Variants in RASA3 observed in about 807,000 individuals in gnomAD.
RASA3 encodes ras GTPase-activating protein 3.
RASA3 carries 73 observed loss-of-function variants against 110.0 expected under a neutral mutation model. The observed-to-expected ratio is 0.66, with a 90% CI of 0.55 to 0.81. The LOEUF is 0.81. Ranked by LOEUF, RASA3 falls within the 30% of genes least tolerant of loss-of-function variation. The pLI, the probability that RASA3 is intolerant of heterozygous loss-of-function variation, is 0.00. For missense variants in RASA3, 976 were observed against 1,113.2 expected (o/e 0.88, Z 1.75); for synonymous variants, 500 against 451.4 (o/e 1.11, Z -1.37).
intron 2 of RASA3, among the ~76,000 whole-genome samples, chr13:114,059,939 C>T (rs1301770451): frequency 2.6e-5 from 4 of 152,252 alleles, no homozygotes; most frequent in South Asian, 2.1e-4. Context: ...ATGTCCAACG[C>T]GGGCAAGGCT....
At chr13:113,981,960 T>C in intron 22 of RASA3, 102 bp from the exon 23 acceptor site, 1 of 1,049,946 alleles carries the variant, frequency 9.5e-7, no homozygotes, top group Non-Finnish European at 1.4e-6. Context: ...TACACATCCT[T>C]CCAACGCAAG....
chr13:114,105,003 G>A (rs1311480779), intron 1 of RASA3, among the ~76,000 whole-genome samples: 3 of 150,074 alleles, frequency 2.0e-5, no homozygotes, highest in Non-Finnish European at 3.0e-5. Context: ...TCGGCCCCCC[G>A]AGCCCAGCTT....
At chr13:114,043,628 CACT>C (rs1189238490) in intron 3 of RASA3, among the ~76,000 whole-genome samples, 2 of 152,098 alleles carry the variant, frequency 1.3e-5, no homozygotes, top group Non-Finnish European at 2.9e-5. Context: ...CTGAAACCAC[CACT>C]GAGGGCAGGC....
intron 2 of RASA3, among the ~76,000 whole-genome samples, chr13:114,061,755 C>T (rs2079354846): frequency 6.6e-6 from 1 of 152,126 alleles, no homozygotes; most frequent in Non-Finnish European, 1.5e-5. Flanking sequence ...TAACACGATC[C>T]TTAAGCGAAC....
chr13:113,997,453 AAGTT>A (rs1179073808), intron 20 of RASA3, among the ~76,000 whole-genome samples: 6 of 151,838 alleles, frequency 4.0e-5, no homozygotes, highest in Non-Finnish European at 7.4e-5. Context: ...CGTTGACTCA[AAGTT>A]AGTTAAGCAG....
chr13:114,128,011 A>C (rs1040003600), intron 1 of RASA3, among the ~76,000 whole-genome samples: 4 of 152,214 alleles, frequency 2.6e-5, no homozygotes, highest in Non-Finnish European at 5.9e-5. Flanking sequence ...CCCCAGGCTG[A>C]ACCTGCCCCT....
intron 18 of RASA3, among the ~76,000 whole-genome samples, chr13:114,001,957 A>G (rs1174056384): frequency 6.6e-6 from 1 of 152,242 alleles, no homozygotes; most frequent in Non-Finnish European, 1.5e-5. Context: ...ATGGCCACCG[A>G]GGATGCAAGG....
At position 114,052,202 on chromosome 13, in the gene RASA3, C is replaced by T. The variant is rs373172235; in HGVS notation, c.174-47G>A. On this transcript the variant is annotated intron_variant, in intron 2 of 23. Transcript: ENST00000334062. ...CCAGTTAGAACACAGGCCACGCTTG[C>T]GCCTCACCCCCGGGGCACACACGTG... is the stretch of plus-strand genomic sequence containing the variant. 87 of 1,326,158 alleles carry T rather than the reference C, an allele frequency of 6.6e-5. No homozygotes were observed. The African/African-American group carries it at 9.7e-4, about 15-fold the overall frequency. The allele number at this position is 1,326,158 out of a possible 1,614,324, so 82.1% of individuals were successfully genotyped here. A position where few individuals can be genotyped will look rare whatever the true frequency, so the allele number is the denominator to read the frequency against.
chr13:114,021,261 G>T, intron 9 of RASA3, 143 bp downstream of exon 9: 1 of 677,264 alleles, frequency 1.5e-6, no homozygotes, highest in Non-Finnish European at 2.5e-6. Context: ...GCTCGTCAGA[G>T]CTACATGCAA....
intron 8 of RASA3, among the ~76,000 whole-genome samples, chr13:114,022,298 T>C (rs1263696917): frequency 6.6e-6 from 1 of 152,150 alleles, no homozygotes; most frequent in Middle Eastern, 3.2e-3. Context: ...GCTGTGAAAT[T>C]CTGACAGACA....
At chr13:114,087,700 G>A (rs1444899612) in intron 1 of RASA3, among the ~76,000 whole-genome samples, 1 of 152,202 alleles carries the variant, frequency 6.6e-6, no homozygotes, top group Admixed American at 6.5e-5. Context: ...GGGCCAGCAG[G>A]GCGCCCGCCC....
chr13:113,981,776 G>A lies in RASA3; in HGVS notation c.2328C>T (p.Thr776=). Residue 776 remains threonine, a synonymous_variant, in exon 23 of 24, where the codon ACC becomes ACT. Transcript: ENST00000334062. ...CGATGACTTGCTTTAGCGTCTTGTA[G>A]GTCTCCTGGGGGTCGTCAATGACGA... is the stretch of plus-strand genomic sequence containing the variant. ...STFVIDDPQE[T]YKTLKQVIAG... The A allele has an allele frequency of 6.2e-7, 1 of 1,614,096 alleles. No homozygotes were observed. The highest frequency in any genetic ancestry group is 8.5e-7 in the Non-Finnish European group (1 of 1,179,990).
At chr13:114,072,039 C>T (rs951476886) in intron 2 of RASA3, among the ~76,000 whole-genome samples, 2 of 152,202 alleles carry the variant, frequency 1.3e-5, no homozygotes, top group South Asian at 2.1e-4. Flanking sequence ...CCTTATAACC[C>T]GGTGGAGTCA....
chr13:114,119,906 T>C (rs1177031920), intron 1 of RASA3, among the ~76,000 whole-genome samples: 49 of 5,508 alleles, frequency 8.9e-3, no homozygotes, highest in African/African-American at 9.7e-3. Flanking sequence ...AGGGCCCCCC[T>C]CCCCTCTCCA....
chr13:114,104,805 G>C (rs1339468997), intron 1 of RASA3, among the ~76,000 whole-genome samples: 1 of 151,888 alleles, frequency 6.6e-6, no homozygotes, highest in Non-Finnish European at 1.5e-5. Flanking sequence ...CTGGAGGGGG[G>C]GCTACCGCCT....
rs2053637316 is a variant in RASA3 at position 114,011,513 on chromosome 13, A to AAAGTCG, written c.1513-271_1513-266dup. Among the ~76,000 whole-genome samples the AAAGTCG allele has an allele frequency of 6.6e-6, 1 of 151,980 alleles. No homozygotes were observed. Among genetic ancestry groups the AAAGTCG allele is most frequent in the African/African-American group, 2.4e-5 (1 of 41,380 alleles). On this transcript the variant is annotated intron_variant, in intron 15 of 23. Transcript: ENST00000334062. The surrounding 1 kb of genome is among the most constrained non-coding windows in gnomAD (Gnocchi z 4.8). The stretch of plus-strand genomic sequence containing the variant: ...CGGCCCAGCGTGCAGGGTGCATCTC[A>AAAGTCG]AAGTCGAAAGCATCAGGTGGGGTCA...
At chr13:114,102,701 C>T (rs1038549592) in intron 1 of RASA3, among the ~76,000 whole-genome samples, 14 of 152,278 alleles carry the variant, frequency 9.2e-5, no homozygotes, top group South Asian at 4.1e-4. Context: ...AAGGCTGCGG[C>T]GTCACTGCCT....
Position 114,096,863 on chromosome 13 carries a change from C to G in RASA3, c.56-23026G>C, listed in dbSNP as rs915898199. ...CGCTGCTCCCTCGGACGTACTCGCCCTACACCCCAGCCAAACGCACTCCGT... is the reference window on the plus strand; with the variant it reads ...CGCTGCTCCCTCGGACGTACTCGCCGTACACCCCAGCCAAACGCACTCCGT... On this transcript the variant is annotated intron_variant, in intron 1 of 23. Transcript: ENST00000334062. The surrounding 1 kb of genome is among the most constrained non-coding windows in gnomAD (Gnocchi z 5.1). Among the ~76,000 whole-genome samples the G allele has an allele frequency of 1.3e-5, 2 of 152,194 alleles. No individual in the cohort carries two copies. The highest frequency in any genetic ancestry group is 4.8e-5 in the African/African-American group (2 of 41,430).
At chr13:114,026,586 A>G (rs1439479876) in intron 7 of RASA3, among the ~76,000 whole-genome samples, 1 of 151,514 alleles carries the variant, frequency 6.6e-6, no homozygotes, top group Non-Finnish European at 1.5e-5. Context: ...CGGTAGGTCC[A>G]CTCTCCTACG....
Sources: gnomAD v4.1 joint callset for allele counts (sites outside exome capture counted in the v4.1 genomes callset) on GRCh38, gnomAD v4.1.1 for gene constraint, Gnocchi (gnomAD v3.1) non-coding constraint, MANE v1.5 for transcripts, NCBI Gene and HGNC (gene_info 2026-07-23, HGNC 2026-07-21) for gene names.